Variants in FANCC observed in about 807,000 individuals in gnomAD.
FANCC encodes FA complementation group C, also known as Fanconi anemia group C protein.
A neutral mutation model predicts 71.3 loss-of-function variants in FANCC; 55 were observed. That is an observed-to-expected ratio of 0.77 (90% CI 0.62 to 0.97). The LOEUF is 0.97. Ranked by LOEUF, FANCC falls within the 50% of genes least tolerant of loss-of-function variation. The pLI, the probability that FANCC is intolerant of heterozygous loss-of-function variation, is 0.00. For missense variants in FANCC, 678 were observed against 670.9 expected, an observed-to-expected ratio of 1.01 and a Z score of -0.12; for synonymous variants, 275 against 244.9, an observed-to-expected ratio of 1.12 and a Z score of -1.15.
chr9:95,194,855 C>T (rs574056439), intron 4 of FANCC, among the ~76,000 whole-genome samples: 7 of 152,216 alleles, frequency 4.6e-5, no homozygotes, highest in Non-Finnish European at 1.0e-4. Context: ...GGTCCTAACA[C>T]AGTTGATTTT....
intron 7 of FANCC, among the ~76,000 whole-genome samples, chr9:95,140,757 T>C (rs1828529845): frequency 6.6e-6 from 1 of 152,170 alleles, no homozygotes; most frequent in South Asian, 2.1e-4. Context: ...AAAAGAACAC[T>C]GTTTGATCCT....
intron 4 of FANCC, among the ~76,000 whole-genome samples, chr9:95,185,536 C>T (rs1454047253): frequency 1.3e-5 from 2 of 152,212 alleles, no homozygotes. Flanking sequence ...AGCAGTGACA[C>T]AGGAAACAAA....
At chr9:95,170,106 G>T (rs1825567920) in intron 6 of FANCC, among the ~76,000 whole-genome samples, 1 of 152,122 alleles carries the variant, frequency 6.6e-6, no homozygotes, top group African/African-American at 2.4e-5. Context: ...TGCACTGACT[G>T]ATTTTTAAGG....
At chr9:95,129,379 T>C (rs1005130950) in intron 8 of FANCC, among the ~76,000 whole-genome samples, 6 of 152,160 alleles carry the variant, frequency 3.9e-5, no homozygotes, top group Non-Finnish European at 8.8e-5. Flanking sequence ...ATCTTCCAAA[T>C]AGAATTAAGG....
At chr9:95,226,816 C>T (rs1470663569) in intron 4 of FANCC, among the ~76,000 whole-genome samples, 1 of 152,106 alleles carries the variant, frequency 6.6e-6, no homozygotes, top group Non-Finnish European at 1.5e-5. Context: ...ATTTGACAAC[C>T]ATATCATATT....
chr9:95,263,453 C>A (rs1437316935), intron 1 of FANCC, among the ~76,000 whole-genome samples: 3 of 150,104 alleles, frequency 2.0e-5, no homozygotes, highest in South Asian at 2.1e-4. Flanking sequence ...TACTGAAGAC[C>A]CCAAAGAGTT....
chr9:95,102,185 G>A (rs1429031219), intron 14 of FANCC, among the ~76,000 whole-genome samples: 1 of 152,226 alleles, frequency 6.6e-6, no homozygotes, highest in Non-Finnish European at 1.5e-5. Context: ...GTTGTGGGAT[G>A]ATCCACTGTG....
chr9:95,299,553 T>C (rs1051833322), intron 1 of FANCC, among the ~76,000 whole-genome samples: 1 of 152,232 alleles, frequency 6.6e-6, no homozygotes, highest in Non-Finnish European at 1.5e-5. Context: ...AAGTTACTAA[T>C]GGTATCACAA....
Position 95,249,278 on chromosome 9 carries a change from G to A in FANCC, c.14C>T (p.Ser5Leu), listed in dbSNP as rs1831182314. The change falls in exon 2 of 15, where the codon TCA becomes TTA. Residue 5 changes from serine to leucine, a missense_variant. Ser to Leu is a moderately radical substitution (Grantham distance 145). Transcript: ENST00000289081. ...CTGATAATCACAAGAAAGATCTACT[G>A]AATCTTGAGCCATCTTGGAAAAAGC... MAQDSVDLSCDYQFW... is the reference protein window; with the variant it reads MAQDLVDLSCDYQFW... 4 of 1,614,028 alleles carry A rather than the reference G, an allele frequency of 2.5e-6. No individual in the cohort carries two copies. Among genetic ancestry groups the A allele is most frequent in the Non-Finnish European group, 3.4e-6 (4 of 1,180,000 alleles).
intron 6 of FANCC, among the ~76,000 whole-genome samples, chr9:95,158,400 A>C (rs907714435): frequency 6.6e-6 from 1 of 152,214 alleles, no homozygotes; most frequent in Non-Finnish European, 1.5e-5. Flanking sequence ...TGGAAGGTAA[A>C]TGTTGAAAGG....
chr9:95,265,735 T>C (rs1832347630), intron 1 of FANCC, among the ~76,000 whole-genome samples: 1 of 152,214 alleles, frequency 6.6e-6, no homozygotes, highest in Non-Finnish European at 1.5e-5. Context: ...TCCTTGATTC[T>C]ACAGGTAATT....
rs1254750641 is a variant in FANCC at position 95,236,303 on chromosome 9, T to C, written c.345+4346A>G. Among the ~76,000 whole-genome samples the C allele has an allele frequency of 5.9e-5, 9 of 152,220 alleles. 1 individual carries two copies. In the East Asian group the frequency reaches 1.7e-3, roughly 29 times the overall value. On this transcript the variant is annotated intron_variant, in intron 4 of 14. Coordinates refer to ENST00000289081, the MANE Select transcript of FANCC (RefSeq NM_000136.3). Reference sequence around the variant, plus strand: ...GAACAGACTGTCTTTCTAGGTCCAGTGCTGTATCCTCAGCCTCTATAGTTG... The same window carrying C: ...GAACAGACTGTCTTTCTAGGTCCAGCGCTGTATCCTCAGCCTCTATAGTTG...
chr9:95,252,519 G>C (rs1831411238), intron 1 of FANCC, among the ~76,000 whole-genome samples: 1 of 151,858 alleles, frequency 6.6e-6, no homozygotes, highest in Non-Finnish European at 1.5e-5. Flanking sequence ...GGCAGAGACG[G>C]GCGGATCACG....
rs887865186 is a variant in FANCC at position 95,219,293 on chromosome 9, T to C, written c.345+21356A>G. ...TAAGGCTCTTAGAGAAATTAATACA[T>C]GTAACAGCAGCCATGTATACAGCGG... is the stretch of plus-strand genomic sequence containing the variant. On this transcript the variant is annotated intron_variant, in intron 4 of 14. Coordinates refer to ENST00000289081, the MANE Select transcript of FANCC (RefSeq NM_000136.3). Among the ~76,000 whole-genome samples the C allele has an allele frequency of 8.5e-5, 13 of 152,150 alleles. No individual in the cohort carries two copies. The South Asian group carries it at 2.1e-3, about 24-fold the overall frequency.
At chr9:95,133,044 T>C (rs1019878155) in intron 8 of FANCC, among the ~76,000 whole-genome samples, 1 of 152,262 alleles carries the variant, frequency 6.6e-6, no homozygotes, top group African/African-American at 2.4e-5. Context: ...AGTCTCGTGC[T>C]ATCTGAGTCT....
At position 95,139,597 on chromosome 9, in the gene FANCC, C is replaced by T. The variant is rs376971346; in HGVS notation, c.687-4095G>A. Among the ~76,000 whole-genome samples, 32 of 151,870 alleles carry T rather than the reference C, an allele frequency of 2.1e-4. No homozygotes were observed. In the South Asian group the frequency reaches 5.4e-3, roughly 26 times the overall value. On this transcript the variant is annotated intron_variant, in intron 7 of 14. Transcript: ENST00000289081. ...TCAAATGAGCTGGATCTGTGTCCTG[C>T]GAGGGGTATTTAAGACACGCTGGTT...
chr9:95,248,886 T>C (rs936817292), intron 2 of FANCC, among the ~76,000 whole-genome samples: 2 of 152,126 alleles, frequency 1.3e-5, no homozygotes, highest in African/African-American at 4.8e-5. Flanking sequence ...ATCTTGATTA[T>C]TTAAGAACAA....
At position 95,101,639 on chromosome 9, in the gene FANCC, A is replaced by C; in HGVS notation, c.*68T>G. 1 of 1,601,914 alleles carries C rather than the reference A, an allele frequency of 6.2e-7. No individual in the cohort carries two copies. Among genetic ancestry groups the C allele is most frequent in the Non-Finnish European group, 8.5e-7 (1 of 1,174,690 alleles). ...CTCCACAAATGCGTGGCCACAGGTCATCACCTGTCCTGTGGCCCTGGCGAG... is the reference window on the plus strand; with the variant it reads ...CTCCACAAATGCGTGGCCACAGGTCCTCACCTGTCCTGTGGCCCTGGCGAG... On this transcript the variant is annotated 3_prime_UTR_variant, in exon 15 of 15. Coordinates refer to ENST00000289081, the MANE Select transcript of FANCC (RefSeq NM_000136.3).
At chr9:95,149,453 AAAAAT>A (rs1449150447) in intron 7 of FANCC, among the ~76,000 whole-genome samples, 1 of 152,182 alleles carries the variant, frequency 6.6e-6, no homozygotes, top group Non-Finnish European at 1.5e-5. Flanking sequence ...TTAAAAATAA[AAAAAT>A]AAAATGTTTT....
Sources: allele counts gnomAD v4.1 joint callset (sites outside exome capture counted in the v4.1 genomes callset), GRCh38; gene constraint gnomAD v4.1.1; transcripts MANE v1.5; gene names NCBI Gene and HGNC (gene_info 2026-07-23, HGNC 2026-07-21).